The following CERS4 variants were observed in gnomAD, a reference collection of about 807,000 sequenced individuals.
CERS4 encodes the protein LAG1 homolog, ceramide synthase 4.
CERS4 carries 65 observed loss-of-function variants against 51.8 expected under a neutral mutation model. The observed-to-expected ratio is 1.26, with a 90% confidence interval of 1.03 to 1.54. The LOEUF is 1.54. CERS4 is among the 40% of genes most tolerant of loss of function. The pLI is 0.00. For missense variants in CERS4, 563 were observed against 500.4 expected, an observed-to-expected ratio of 1.13 and a Z score of -1.19; for synonymous variants, 228 against 208.4, an observed-to-expected ratio of 1.09 and a Z score of -0.81.
At chr19:8,252,810 A>C (rs1969156553) in intron 3 of CERS4, among the ~76,000 whole-genome samples, 1 of 152,128 alleles carries the variant, frequency 6.6e-6, no homozygotes, top group Admixed American at 6.6e-5. Context: ...CCTGAGTTCA[A>C]GCAATCCTCC....
At position 8,237,002 on chromosome 19, in the gene CERS4, C is replaced by CAAAA. The variant is rs781273995; in HGVS notation, c.-1-14052_-1-14049dup. On this transcript the variant is annotated intron_variant, in intron 2 of 11. Transcript: ENST00000251363. ...TGGGCAACAGAGCGAGACTCTGTCT[C>CAAAA]AAAAAAAAAAAAAAAAAAAAAAAAA... 7.1e-3 allele frequency among the ~76,000 whole-genome samples: 319 copies of CAAAA among 44,868 alleles called. 27 individuals carry two copies. Among genetic ancestry groups the CAAAA allele is most frequent in the South Asian group, 0.013 (8 of 596 alleles). The allele number at this position is 44,868 out of a possible 152,430, so 29.4% of individuals were successfully genotyped here. A position where few individuals can be genotyped will look rare whatever the true frequency, so the allele number is the denominator to read the frequency against.
intron 3 of CERS4, 92 bp from the exon 4 acceptor site, chr19:8,254,407 T>C (rs977225245): frequency 7.8e-5 from 92 of 1,182,508 alleles, no homozygotes; most frequent in Non-Finnish European, 9.9e-5. Context: ...CCTCCGAGAC[T>C]TGGTTATCCC....
chr19:8,254,530 G>C lies in CERS4; in HGVS notation c.205G>C (p.Gly69Arg). The change falls in exon 4 of 12, where the codon GGT (glycine) becomes CGT (arginine). Residue 69 changes from glycine (G) to arginine (R), a missense_variant. Physicochemically the swap from Gly to Arg is moderately radical, Grantham distance 125 (BLOSUM62 -2). Coordinates refer to ENST00000251363, the MANE Select transcript of CERS4 (RefSeq NM_024552.3). ...FIGLPLSRWL[G>R]VRDQTRRQVK... ...TGGCCTGCCCCTGAGCCGGTGGCTG[G>C]GTGTGAGGGATCAGACCAGGAGGCA... is the stretch of plus-strand genomic sequence containing the variant. The C allele has an allele frequency of 6.2e-7, 1 of 1,613,700 alleles. No individual in the cohort carries two copies. Among genetic ancestry groups the C allele is most frequent in the South Asian group, 1.1e-5 (1 of 91,042 alleles).
rs773087994 is a variant in CERS4 at position 8,261,702 on chromosome 19, C to T, written c.863C>T (p.Thr288Ile). 2.5e-6 allele frequency: 4 copies of T among 1,614,140 alleles called. No individual in the cohort carries two copies. In the South Asian group the frequency reaches 3.3e-5, roughly 13 times the overall value. The change falls in exon 11 of 12, where the codon ACA (threonine) becomes ATA (isoleucine). Residue 288 changes from threonine to isoleucine, a missense_variant. Transcript: ENST00000251363. ...VLFPTQILYT[T>I]YYESISNRGP... is the part of the protein sequence containing the mutation. ...CCTGGCTGTAGGATCCTCTACACCA[C>T]ATACTACGAGTCCATCAGCAACAGG...
At chr19:8,219,261 C>A (rs972321482) in intron 2 of CERS4, among the ~76,000 whole-genome samples, 3 of 152,158 alleles carry the variant, frequency 2.0e-5, no homozygotes, top group Non-Finnish European at 4.4e-5. Flanking sequence ...GCCTGAGCCA[C>A]CCTGCAGGAT....
rs199899863 is a variant in CERS4, at chr19:8,256,945, G to C, written c.613-4G>C. On this transcript the variant is annotated splice_polypyrimidine_tract_variant and splice_region_variant and intron_variant, in intron 8 of 11. Transcript: ENST00000251363. ...TCCCCACTATGACCCACCGTCTACTGCAGGATTTCAAGGAGCAGGTGATAC... is the reference window on the plus strand; with the variant it reads ...TCCCCACTATGACCCACCGTCTACTCCAGGATTTCAAGGAGCAGGTGATAC... 3 of 1,613,978 alleles carry C rather than the reference G, an allele frequency of 1.9e-6. No individual in the cohort carries two copies. Among genetic ancestry groups the C allele is most frequent in the Non-Finnish European group, 2.5e-6 (3 of 1,180,028 alleles).
chr19:8,215,183 A>C (rs1967246191), intron 2 of CERS4, among the ~76,000 whole-genome samples: 1 of 151,966 alleles, frequency 6.6e-6, no homozygotes, highest in Non-Finnish European at 1.5e-5. Flanking sequence ...CAAACAGCAA[A>C]AGCCAAGCAG....
chr19:8,234,886 A>G (rs1260973659), intron 2 of CERS4, among the ~76,000 whole-genome samples: 4 of 151,728 alleles, frequency 2.6e-5, no homozygotes, highest in Admixed American at 2.6e-4. Flanking sequence ...GAATGGGACT[A>G]TTCTAGAGAC....
At chr19:8,248,987 T>C (rs1968925117) in intron 2 of CERS4, among the ~76,000 whole-genome samples, 1 of 148,968 alleles carries the variant, frequency 6.7e-6, no homozygotes, top group Non-Finnish European at 1.5e-5. Context: ...AATTAACAGA[T>C]GAATGATGGG....
At chr19:8,256,203 C>T in intron 6 of CERS4, 33 bp from the exon 7 acceptor site, 1 of 1,600,230 alleles carries the variant, frequency 6.2e-7, no homozygotes, top group Non-Finnish European at 8.5e-7. Context: ...TGGATTCTCA[C>T]CTCTGCACAG....
chr19:8,261,532 GC>G, intron 10 of CERS4, 155 bp from the exon 11 acceptor site: 2 of 788,440 alleles, frequency 2.5e-6, no homozygotes, highest in Non-Finnish European at 4.1e-6. Flanking sequence ...GGCCTCGCGT[GC>G]CCAGCTCAAG....
intron 2 of CERS4, among the ~76,000 whole-genome samples, chr19:8,229,401 CTTCTTCTTTCTTCTTTT>C (rs1277699303): frequency 1.0e-5 from 1 of 96,398 alleles, no homozygotes; most frequent in Non-Finnish European, 2.1e-5. Context: ...CTTTTTTCTT[CTTCTTCTTTCTTCTTTT>C]TTCTTCTTCT....
chr19:8,225,526 C>A lies in CERS4; in HGVS notation c.-2+14664C>A, dbSNP rs369097920. Among the ~76,000 whole-genome samples the A allele has an allele frequency of 1.7e-3, 250 of 150,554 alleles. 1 individual carries two copies. Among genetic ancestry groups the A allele is most frequent in the African/African-American group, 5.8e-3 (236 of 40,916 alleles). ...GCAACCTCCGCCTCCCGGGTTCAAG[C>A]GATTCTCCTGCCTCAGCCTCTCGAG... is the stretch of plus-strand genomic sequence containing the variant. On this transcript the variant is annotated intron_variant, in intron 2 of 11. Transcript: ENST00000251363.
At chr19:8,252,272 A>G (rs1969125220) in intron 3 of CERS4, among the ~76,000 whole-genome samples, 1 of 150,394 alleles carries the variant, frequency 6.6e-6, no homozygotes, top group African/African-American at 2.4e-5. Context: ...CAGGAGGTTG[A>G]GGCAGGAGAA....
At chr19:8,215,725 G>T (rs1967272876) in intron 2 of CERS4, among the ~76,000 whole-genome samples, 1 of 152,116 alleles carries the variant, frequency 6.6e-6, no homozygotes, top group Non-Finnish European at 1.5e-5. Context: ...GACCCGGACT[G>T]TCCCCTCCAT....
chr19:8,224,807 G>C (rs1417638224), intron 2 of CERS4, among the ~76,000 whole-genome samples: 1 of 152,110 alleles, frequency 6.6e-6, no homozygotes, highest in Non-Finnish European at 1.5e-5. Context: ...GGACGTAATC[G>C]TAGGGCTTAA....
intron 2 of CERS4, among the ~76,000 whole-genome samples, chr19:8,231,873 T>TTTTTG (rs61532670): frequency 8.4e-6 from 1 of 119,552 alleles, no homozygotes; most frequent in Non-Finnish European, 1.8e-5. Flanking sequence ...TTTTTTTTTT[T>TTTTTG]AGAGACAGTC....
Position 8,224,104 on chromosome 19 carries a change from T to TAA in CERS4, c.-2+13263_-2+13264dup, listed in dbSNP as rs746066578. Among the ~76,000 whole-genome samples the TAA allele has an allele frequency of 6.8e-3, 448 of 65,450 alleles. 30 individuals carry two copies. In the East Asian group the frequency reaches 0.16, roughly 24 times the overall value. 42.9% of individuals were successfully genotyped at this position (65,450 alleles called of 152,430 possible). On this transcript the variant is annotated intron_variant, in intron 2 of 11. Transcript: ENST00000251363. ...CTGGGTGACAGCAAGACTCCGTCTT[T>TAA]AAAAAAAAAAAAAAAAAAAAAAGGC...
chr19:8,249,656 A>ATC (rs1968975502), intron 2 of CERS4, among the ~76,000 whole-genome samples: 1 of 126,306 alleles, frequency 7.9e-6, no homozygotes, highest in Admixed American at 1.1e-4. Flanking sequence ...CAGTGGCCTG[A>ATC]TCTCTGCTCA....
Sources: allele counts gnomAD v4.1 joint callset (sites outside exome capture counted in the v4.1 genomes callset), GRCh38; gene constraint gnomAD v4.1.1; transcripts MANE v1.5; gene names NCBI Gene and HGNC (gene_info 2026-07-23, HGNC 2026-07-21).